Variants in ADAMTS18 observed in about 807,000 individuals in gnomAD.
ADAMTS18 encodes A disintegrin and metalloproteinase with thrombospondin motifs 18.
ADAMTS18 carries 157 observed loss-of-function variants against 165.9 expected under a neutral mutation model. That is an observed-to-expected ratio of 0.95 (90% confidence interval 0.83 to 1.08). The LOEUF (loss-of-function observed/expected upper bound fraction) is 1.08, where lower values mean the gene tolerates loss of function less well. Among genes scored for constraint, ADAMTS18 ranks in the 50% least tolerant of loss-of-function variants. The pLI is 0.00. For synonymous variants in ADAMTS18, 782 were observed against 578.2 expected, an observed-to-expected ratio of 1.35 and a Z score of -5.06; for missense variants, 2,040 against 1,534.0, an observed-to-expected ratio of 1.33 and a Z score of -5.51.
chr16:77,358,279 G>A (rs1218528008), intron 8 of ADAMTS18, among the ~76,000 whole-genome samples: 1 of 152,156 alleles, frequency 6.6e-6, no homozygotes, highest in Non-Finnish European at 1.5e-5. Context: ...GTAGCTCATA[G>A]AAGATACTGG....
intron 5 of ADAMTS18, 24 bp from the exon 6 acceptor site, chr16:77,363,909 C>T: frequency 1.9e-6 from 3 of 1,610,328 alleles, no homozygotes; most frequent in Non-Finnish European, 2.5e-6. Context: ...GGAAATCAAA[C>T]AAAATCTCAA....
intron 22 of ADAMTS18, among the ~76,000 whole-genome samples, chr16:77,285,296 C>G (rs575013663): frequency 6.6e-6 from 1 of 152,138 alleles, no homozygotes; most frequent in African/African-American, 2.4e-5. Flanking sequence ...CGTAAGCCTC[C>G]TGGGTAGCTG....
chr16:77,434,344 T>C (rs2057771212), intron 2 of ADAMTS18, 74 bp downstream of exon 2: 10 of 1,513,104 alleles, frequency 6.6e-6, no homozygotes, highest in Non-Finnish European at 7.1e-6. Context: ...TTTTCCATCT[T>C]TTCTCTCTTT....
At chr16:77,311,019 C>T (rs978905722) in intron 16 of ADAMTS18, among the ~76,000 whole-genome samples, 1 of 151,974 alleles carries the variant, frequency 6.6e-6, no homozygotes, top group Non-Finnish European at 1.5e-5. Context: ...ATGGTAATTA[C>T]CTACATTGAT....
At chr16:77,433,632 T>C (rs1283765063) in intron 2 of ADAMTS18, among the ~76,000 whole-genome samples, 1 of 152,168 alleles carries the variant, frequency 6.6e-6, no homozygotes, top group Non-Finnish European at 1.5e-5. Flanking sequence ...CCACTCCCCA[T>C]TCCCCTGACA....
intron 16 of ADAMTS18, among the ~76,000 whole-genome samples, chr16:77,312,350 G>C (rs1909803): frequency 0.51 from 76,937 of 151,612 alleles, 20,247 homozygotes; most frequent in African/African-American, 0.54. Flanking sequence ...AATTCTCCCT[G>C]CCTCAGCCTC....
At position 77,282,718 on chromosome 16, in the gene ADAMTS18, A is replaced by T. The variant is rs898494309; in HGVS notation, c.*1238T>A. 3 of 152,592 alleles carry T rather than the reference A, an allele frequency of 2.0e-5. No individual in the cohort carries two copies. The highest frequency in any genetic ancestry group is 7.2e-5 in the African/African-American group (3 of 41,438). The allele number at this position is 152,592 out of a possible 1,614,324, so 9.5% of individuals were successfully genotyped here. ...GTATTATAATTACTTTGGTTTTGGC[A>T]AAATAGTGTGATGTTTTTTCAATTG... is the stretch of plus-strand genomic sequence containing the variant. On this transcript the variant is annotated 3_prime_UTR_variant, in exon 23 of 23. Transcript: ENST00000282849.
At chr16:77,382,056 A>C (rs1273610741) in intron 3 of ADAMTS18, among the ~76,000 whole-genome samples, 1 of 152,032 alleles carries the variant, frequency 6.6e-6, no homozygotes, top group Non-Finnish European at 1.5e-5. Flanking sequence ...GAACTGGACT[A>C]CTCTGCCTTG....
intron 3 of ADAMTS18, among the ~76,000 whole-genome samples, chr16:77,372,124 T>C (rs1307270155): frequency 6.6e-6 from 1 of 152,130 alleles, no homozygotes; most frequent in African/African-American, 2.4e-5. Flanking sequence ...CAATAAATGC[T>C]AGCATGGATG....
At chr16:77,385,071 T>C (rs2057087814) in intron 3 of ADAMTS18, among the ~76,000 whole-genome samples, 1 of 151,686 alleles carries the variant, frequency 6.6e-6, no homozygotes, top group African/African-American at 2.4e-5. Context: ...ACCATGCCTG[T>C]CTAATTTTTG....
In ADAMTS18 at chr16:77,426,425, G is replaced by A. The variant is rs533892902; in HGVS notation, c.495+4870C>T. ...AGTTAAACAGGTGTCTTTAATATAAGACATTTCTGACTTGTCAATATGCTA... is the reference window on the plus strand; with the variant it reads ...AGTTAAACAGGTGTCTTTAATATAAAACATTTCTGACTTGTCAATATGCTA... On this transcript the variant is annotated intron_variant, in intron 3 of 22. Transcript: ENST00000282849. Among the ~76,000 whole-genome samples the A allele has an allele frequency of 8.1e-4, 123 of 152,204 alleles. 2 individuals are homozygous for A. The highest frequency in any genetic ancestry group is 2.8e-3 in the African/African-American group (117 of 41,528).
At chr16:77,330,031 G>A (rs1291768093) in intron 12 of ADAMTS18, among the ~76,000 whole-genome samples, 1 of 152,056 alleles carries the variant, frequency 6.6e-6, no homozygotes, top group African/African-American at 2.4e-5. Flanking sequence ...AGATTCCTGA[G>A]GACCTCCACC....
intron 3 of ADAMTS18, among the ~76,000 whole-genome samples, chr16:77,422,681 A>G (rs905731305): frequency 3.3e-5 from 5 of 152,044 alleles, no homozygotes; most frequent in South Asian, 2.1e-4. Context: ...GAAAGGATGA[A>G]TTAGGAAGAT....
chr16:77,310,589 T>C (rs1473528790), intron 16 of ADAMTS18, among the ~76,000 whole-genome samples: 9 of 152,152 alleles, frequency 5.9e-5, no homozygotes, highest in Admixed American at 5.9e-4. Context: ...ATTTAAAGAC[T>C]TAAGGCTGTA....
chr16:77,282,764 A>C lies in ADAMTS18; in HGVS notation c.*1192T>G, dbSNP rs944586330. On this transcript the variant is annotated 3_prime_UTR_variant, in exon 23 of 23. Coordinates refer to ENST00000282849, the MANE Select transcript of ADAMTS18 (RefSeq NM_199355.4). ...AATTGAGAACAATTTTAAACTCATT[A>C]ATGCCTACCAACAGCTGGCTTCTGA... 6.6e-6 allele frequency: 1 copy of C among 152,584 alleles called. No homozygotes were observed. Among genetic ancestry groups the C allele is most frequent in the Non-Finnish European group, 1.5e-5 (1 of 68,026 alleles). The allele number at this position is 152,584 out of a possible 1,614,324, so 9.5% of individuals were successfully genotyped here.
chr16:77,331,765 A>C (rs1567488609), intron 12 of ADAMTS18, among the ~76,000 whole-genome samples: 1 of 152,206 alleles, frequency 6.6e-6, no homozygotes, highest in Non-Finnish European at 1.5e-5. Flanking sequence ...TCCAAAACAA[A>C]GAATTTGCCA....
intron 3 of ADAMTS18, among the ~76,000 whole-genome samples, chr16:77,412,175 C>T (rs1341231346): frequency 1.3e-5 from 2 of 152,108 alleles, no homozygotes; most frequent in Non-Finnish European, 2.9e-5. Flanking sequence ...AAGGAAGAAT[C>T]CCTCTGTCTC....
At chr16:77,367,765 A>G in intron 3 of ADAMTS18, 42 bp from the exon 4 acceptor site, 2 of 1,613,784 alleles carry the variant, frequency 1.2e-6, no homozygotes, top group Non-Finnish European at 1.7e-6. Flanking sequence ...GATTCCATGC[A>G]TCCCTGTGCC....
At chr16:77,414,094 C>T (rs1044253421) in intron 3 of ADAMTS18, among the ~76,000 whole-genome samples, 1 of 152,132 alleles carries the variant, frequency 6.6e-6, no homozygotes, top group African/African-American at 2.4e-5. Context: ...AGAAACAGAA[C>T]CAACGTAAGT....
Sources: gnomAD v4.1 joint callset for allele counts (sites outside exome capture counted in the v4.1 genomes callset) on GRCh38, gnomAD v4.1.1 for gene constraint, MANE v1.5 for transcripts, NCBI Gene and HGNC (gene_info 2026-07-23, HGNC 2026-07-21) for gene names.